SDK2: variants seen among roughly 807,000 people sequenced by gnomAD.
SDK2 encodes sidekick cell adhesion molecule 2, also known as protein sidekick-2.
Under a neutral mutation model 253.9 loss-of-function variants are expected in SDK2, and 105 were observed. The ratio of observed to expected loss-of-function variants is 0.41; its 90% CI spans 0.35 to 0.49. The LOEUF is 0.49. Among genes scored for constraint, SDK2 ranks in the 20% least tolerant of loss-of-function variants. The probability of loss-of-function intolerance (pLI) is 0.06; values close to 1 mark genes in which losing one functional copy is unlikely to be tolerated. For missense variants in SDK2, 2,608 were observed against 3,003.0 expected (o/e 0.87, Z 3.07); for synonymous variants, 1,249 against 1,234.9 (o/e 1.01, Z -0.24).
intron 1 of SDK2, chr17:73,519,090 T>A (rs2064054977): frequency 6.6e-6 from 1 of 152,218 alleles, no homozygotes; most frequent in Admixed American, 6.5e-5. Flanking sequence ...CGAGGACTCA[T>A]AGGCCCAGGG....
chr17:73,644,080 C>A lies in SDK2; in HGVS notation c.9G>T (p.Gly3=), dbSNP rs145194705. Residue 3 remains glycine, a synonymous_variant, in exon 1 of 45, where the codon GGG becomes GGT. Transcript: ENST00000392650. The surrounding 1 kb of genome is among the most constrained non-coding windows in gnomAD (Gnocchi z 6.3). ...GAGCTAGCAGTGTCCAGATCAAAAG[C>A]CCCCACATGGTGACCAGCCTGGAGA... MW[G]LLIWTLLALH... is the part of the protein sequence containing the mutation. 1 of 1,550,818 alleles carries A rather than the reference C, an allele frequency of 6.4e-7. No homozygotes were observed. Among genetic ancestry groups the A allele is most frequent in the South Asian group, 1.2e-5 (1 of 83,960 alleles).
At chr17:73,531,970 C>T (rs953339486) in intron 1 of SDK2, among the ~76,000 whole-genome samples, 1 of 152,140 alleles carries the variant, frequency 6.6e-6, no homozygotes, top group African/African-American at 2.4e-5. Flanking sequence ...TACCTATCGG[C>T]GCCTTCTAAT....
chr17:73,363,867 A>G (rs976900716), intron 38 of SDK2, among the ~76,000 whole-genome samples: 8 of 151,606 alleles, frequency 5.3e-5, no homozygotes, highest in Non-Finnish European at 8.8e-5. Context: ...CCTGCACCTG[A>G]CTGGATCTCC....
chr17:73,577,869 A>G (rs2045478206), intron 1 of SDK2, among the ~76,000 whole-genome samples: 2 of 152,298 alleles, frequency 1.3e-5, no homozygotes, highest in South Asian at 4.1e-4. Context: ...TGCTAATCAG[A>G]TGATTTAAGA....
In SDK2 at chr17:73,395,147, G is replaced by T. The variant is rs573154539; in HGVS notation, c.3592+8C>A. On this transcript the variant is annotated splice_region_variant and intron_variant, in intron 25 of 44. Transcript: ENST00000392650. The surrounding 1 kb of genome is among the most constrained non-coding windows in gnomAD (Gnocchi z 4.3). ...GCAGCAGGGTGGCTGGGTGTGAGGG[G>T]TTGGTACCTGACTCCCGGGTCCTGC... 13 of 1,574,432 alleles carry T rather than the reference G, an allele frequency of 8.3e-6. No individual in the cohort carries two copies. Among genetic ancestry groups the T allele is most frequent in the Admixed American group, 5.5e-5 (3 of 54,564 alleles).
intron 1 of SDK2, among the ~76,000 whole-genome samples, chr17:73,561,676 A>G (rs1480849527): frequency 1.3e-5 from 2 of 152,244 alleles, no homozygotes; most frequent in African/African-American, 2.4e-5. Context: ...GAGTGGCCTT[A>G]GAGTGGGGAG....
chr17:73,368,658 C>T, intron 36 of SDK2, 65 bp from the exon 37 acceptor site: 1 of 1,348,430 alleles, frequency 7.4e-7, no homozygotes, highest in Non-Finnish European at 1.0e-6. Context: ...CCTGTCCCTG[C>T]TGACCTGTAG....
chr17:73,588,205 C>G (rs886159074), intron 1 of SDK2, among the ~76,000 whole-genome samples: 10 of 147,804 alleles, frequency 6.8e-5, no homozygotes, highest in East Asian at 2.0e-4. Context: ...AGACCCCCCC[C>G]CCTCCCCCGC....
chr17:73,525,674 C>T (rs1031432758), intron 1 of SDK2, among the ~76,000 whole-genome samples: 2 of 152,114 alleles, frequency 1.3e-5, no homozygotes, highest in South Asian at 2.1e-4. Context: ...CAAACGGCCC[C>T]GCAGGATCCC....
At chr17:73,382,827 C>A (rs1446451334) in intron 33 of SDK2, among the ~76,000 whole-genome samples, 1 of 152,152 alleles carries the variant, frequency 6.6e-6, no homozygotes, top group Non-Finnish European at 1.5e-5. Context: ...CATGGTGAAA[C>A]CCCGTCTCTA....
At chr17:73,368,358 C>A (rs768632941) in intron 37 of SDK2, 49 bp downstream of exon 37, 15 of 1,369,696 alleles carry the variant, frequency 1.1e-5, no homozygotes, top group South Asian at 1.6e-5. Flanking sequence ...CCTCTTGCAA[C>A]CCCCCGTGGC....
intron 1 of SDK2, among the ~76,000 whole-genome samples, chr17:73,582,997 GC>G (rs1424129116): frequency 6.6e-6 from 1 of 152,110 alleles, no homozygotes; most frequent in Non-Finnish European, 1.5e-5. Context: ...CCTTTACACA[GC>G]CCGCCTCCTC....
intron 26 of SDK2, 105 bp downstream of exon 26, chr17:73,394,104 C>T (rs1404456436): frequency 4.6e-4 from 297 of 650,098 alleles, no homozygotes; most frequent in Non-Finnish European, 2.4e-5. Context: ...CCTGTATCCA[C>T]TCTAGGAGGC....
chr17:73,401,832 T>C, intron 19 of SDK2, 80 bp from the exon 20 acceptor site: 2 of 1,428,030 alleles, frequency 1.4e-6, no homozygotes, highest in South Asian at 1.3e-5. Context: ...TAGCCTGTGG[T>C]AATCTGGGGG....
At chr17:73,388,317 G>T (rs2062891750) in intron 29 of SDK2, among the ~76,000 whole-genome samples, 1 of 152,166 alleles carries the variant, frequency 6.6e-6, no homozygotes, top group Non-Finnish European at 1.5e-5. Flanking sequence ...GGTGAGGAGT[G>T]ACAAACACCC....
Position 73,595,091 on chromosome 17 carries a change from G to T in SDK2, c.64+48934C>A, listed in dbSNP as rs1013057638. 5.3e-5 allele frequency among the ~76,000 whole-genome samples: 8 copies of T among 152,334 alleles called. No homozygotes were observed. The East Asian group carries it at 1.3e-3, about 26-fold the overall frequency. ...TGTTGTTTCTACCTCTGTACCCACA[G>T]CTCCTAGCACGGTGCCTGAAATAAG... is the stretch of plus-strand genomic sequence containing the variant. On this transcript the variant is annotated intron_variant, in intron 1 of 44. Transcript: ENST00000392650.
chr17:73,440,398 G>A (rs1186600506), intron 6 of SDK2, among the ~76,000 whole-genome samples: 1 of 152,014 alleles, frequency 6.6e-6, no homozygotes, highest in Non-Finnish European at 1.5e-5. Flanking sequence ...GAGCCATCGC[G>A]CCCAAAGCCG....
chr17:73,364,848 C>G lies in SDK2; in HGVS notation c.5305+410G>C, dbSNP rs375355116. ...TGTTGGCCAGGCTGGTCTTGGAACTCCTGACCTCAGGTGATCCACCCGCCT... is the reference window on the plus strand; with the variant it reads ...TGTTGGCCAGGCTGGTCTTGGAACTGCTGACCTCAGGTGATCCACCCGCCT... On this transcript the variant is annotated intron_variant, in intron 38 of 44. Transcript: ENST00000392650. 3.5e-4 allele frequency among the ~76,000 whole-genome samples: 54 copies of G among 152,204 alleles called. No homozygotes were observed. The South Asian group carries it at 7.3e-3, about 20-fold the overall frequency.
At chr17:73,628,447 T>C (rs181870633) in intron 1 of SDK2, among the ~76,000 whole-genome samples, 384 of 152,344 alleles carry the variant, frequency 2.5e-3, no homozygotes, top group Non-Finnish European at 4.2e-3. Flanking sequence ...AGCATCTAGA[T>C]TGACATTGCA....
Sources: gnomAD v4.1 joint callset for allele counts (sites outside exome capture counted in the v4.1 genomes callset) on GRCh38, gnomAD v4.1.1 for gene constraint, Gnocchi (gnomAD v3.1) non-coding constraint, MANE v1.5 for transcripts, NCBI Gene and HGNC (gene_info 2026-07-23, HGNC 2026-07-21) for gene names.